Variants in CLN8 observed in about 807,000 individuals in gnomAD.
The protein encoded by CLN8 is protein CLN8.
CLN8 carries 14 observed loss-of-function variants against 15.7 expected under a neutral mutation model. The observed-to-expected ratio is 0.89, with a 90% CI of 0.59 to 1.39. CLN8 has a LOEUF of 1.39. Ranked by LOEUF, CLN8 falls within the 40% of genes most tolerant of loss-of-function variation. The pLI, the probability that CLN8 is intolerant of heterozygous loss-of-function variation, is 0.00. For missense variants in CLN8, 415 were observed against 364.0 expected (o/e 1.14, Z -1.14); for synonymous variants, 188 against 151.0 (o/e 1.25, Z -1.80).
At chr8:1,762,433 C>T (rs1585121759), upstream of CLN8, 1 of 152,154 alleles carries the variant, frequency 6.6e-6, no homozygotes, top group East Asian at 1.9e-4. Context: ...AACGATGTCA[C>T]CCTGGCTCTC....
intron 2 of CLN8, among the ~76,000 whole-genome samples, chr8:1,774,629 TTC>T (rs1352162292): frequency 5.3e-5 from 8 of 152,166 alleles, no homozygotes; most frequent in Non-Finnish European, 1.2e-4. Flanking sequence ...TTCTTCGTAT[TTC>T]TGTCTTAGAT....
chr8:1,779,506 A>G (rs1409700525), intron 2 of CLN8, among the ~76,000 whole-genome samples: 2 of 152,158 alleles, frequency 1.3e-5, no homozygotes, highest in South Asian at 4.1e-4. Flanking sequence ...CGGCCTCCCA[A>G]AGTGCTGGGA....
At chr8:1,755,122 G>A (rs1371171488), upstream of CLN8, among the ~76,000 whole-genome samples, 4 of 152,126 alleles carry the variant, frequency 2.6e-5, no homozygotes, top group East Asian at 1.9e-4. Context: ...CAAGACGTTC[G>A]TCATTCCATG....
intron 1 of CLN8, among the ~76,000 whole-genome samples, chr8:1,767,565 C>CTTTTTTTTTTTTTTTTT (rs1156569423): frequency 1.2e-5 from 1 of 81,326 alleles, no homozygotes; most frequent in Non-Finnish European, 2.1e-5. Context: ...ATGTTTCTTT[C>CTTTTTTTTTTTTTTTTT]TTTTTTTTTT....
chr8:1,777,954 A>G (rs181742159), intron 2 of CLN8, among the ~76,000 whole-genome samples: 2 of 152,372 alleles, frequency 1.3e-5, no homozygotes, highest in African/African-American at 4.8e-5. Context: ...ACCACTGTCT[A>G]TACACTGTGC....
chr8:1,768,707 G>T (rs118005533), intron 1 of CLN8, among the ~76,000 whole-genome samples: 1 of 152,086 alleles, frequency 6.6e-6, no homozygotes, highest in Non-Finnish European at 1.5e-5. Flanking sequence ...GCTGGTAAGC[G>T]GTCTCCCCTC....
intron 1 of CLN8, among the ~76,000 whole-genome samples, chr8:1,766,008 C>A (rs1474857574): frequency 2.0e-5 from 3 of 152,150 alleles, no homozygotes; most frequent in African/African-American, 7.2e-5. Flanking sequence ...CAGTTTAGCC[C>A]CCATAAACCG....
upstream of CLN8, among the ~76,000 whole-genome samples, chr8:1,753,432 A>C (rs10095548): frequency 0.71 from 106,923 of 151,352 alleles, 38,411 homozygotes; most frequent in South Asian, 0.78. Context: ...TTAGCCAGGC[A>C]TGGTGGCAGG....
upstream of CLN8, among the ~76,000 whole-genome samples, chr8:1,755,280 T>G (rs1342191315): frequency 6.6e-6 from 1 of 152,190 alleles, no homozygotes; most frequent in Admixed American, 6.5e-5. Context: ...GTCTATGTCA[T>G]GCATTAAACT....
At chr8:1,765,536 T>G (rs532534421) in intron 1 of CLN8, among the ~76,000 whole-genome samples, 1 of 152,334 alleles carries the variant, frequency 6.6e-6, no homozygotes, top group South Asian at 2.1e-4. Flanking sequence ...TGTATAATTT[T>G]CAAAATGTTA....
intron 1 of CLN8, among the ~76,000 whole-genome samples, chr8:1,768,290 C>T (rs1242315541): frequency 6.6e-6 from 1 of 152,156 alleles, no homozygotes; most frequent in Non-Finnish European, 1.5e-5. Context: ...AAGATCAGAG[C>T]CCACTAAGCC....
At chr8:1,756,981 C>A (rs1027224639) in intron 1 of CLN8, among the ~76,000 whole-genome samples, 6 of 152,026 alleles carry the variant, frequency 3.9e-5, no homozygotes, top group Non-Finnish European at 7.4e-5. Flanking sequence ...CCATGCCTGG[C>A]CTGAATTAAG....
At chr8:1,771,793 C>T (rs866998050) in intron 2 of CLN8, among the ~76,000 whole-genome samples, 196 bp downstream of exon 2, 3 of 152,086 alleles carry the variant, frequency 2.0e-5, no homozygotes, top group Non-Finnish European at 2.9e-5. Flanking sequence ...TTCTGGCTCT[C>T]GTCCAGGCTG....
At chr8:1,767,481 C>G (rs1411364591) in intron 1 of CLN8, among the ~76,000 whole-genome samples, 1 of 151,396 alleles carries the variant, frequency 6.6e-6, no homozygotes, top group Admixed American at 6.6e-5. Flanking sequence ...TAGCTATTTG[C>G]TCTTATGGTG....
Position 1,780,433 on chromosome 8 carries a change from C to G in CLN8, c.727C>G (p.Leu243Val), listed in dbSNP as rs1400207489. 1.2e-6 allele frequency: 2 copies of G among 1,614,102 alleles called. No homozygotes were observed. Among genetic ancestry groups the G allele is most frequent in the South Asian group, 1.1e-5 (1 of 91,092 alleles). ...LFLVGLALLT[L>V]IINPYWTHKK... ...CCTTGTCGGACTGGCTCTGCTTACG[C>G]TAATCATTAATCCATATTGGACCCA... is the stretch of plus-strand genomic sequence containing the variant. The change falls in exon 3 of 3, where the codon CTA becomes GTA. Residue 243 changes from leucine (L) to valine (V), a missense_variant. By Grantham distance (32) the Leu-to-Val change is conservative. Transcript: ENST00000331222.
At chr8:1,767,828 C>T (rs1187610706) in intron 1 of CLN8, among the ~76,000 whole-genome samples, 2 of 151,994 alleles carry the variant, frequency 1.3e-5, no homozygotes, top group East Asian at 3.9e-4. Flanking sequence ...GCCTTGGCAT[C>T]CCAAAGTGCT....
chr8:1,776,509 C>T (rs565077877), intron 2 of CLN8, among the ~76,000 whole-genome samples: 68 of 151,556 alleles, frequency 4.5e-4, no homozygotes, highest in African/African-American at 1.2e-3. Flanking sequence ...TGTGTGTGGC[C>T]TTGCTCCAGT....
At chr8:1,765,384 A>C (rs1168782183) in intron 1 of CLN8, among the ~76,000 whole-genome samples, 1 of 152,204 alleles carries the variant, frequency 6.6e-6, no homozygotes, top group Non-Finnish European at 1.5e-5. Flanking sequence ...CAGGCACCAA[A>C]AAATAGTGAT....
upstream of CLN8, among the ~76,000 whole-genome samples, chr8:1,754,363 C>T (rs1585114459): frequency 6.6e-6 from 1 of 152,306 alleles, no homozygotes; most frequent in East Asian, 1.9e-4. Flanking sequence ...AGATAATCGC[C>T]AGGCACCCAC....
Sources: gnomAD v4.1 joint callset for allele counts (sites outside exome capture counted in the v4.1 genomes callset) on GRCh38, gnomAD v4.1.1 for gene constraint, MANE v1.5 for transcripts, NCBI Gene and HGNC (gene_info 2026-07-23, HGNC 2026-07-21) for gene names.